Variants in GPC6 observed in about 807,000 individuals in gnomAD.
GPC6 encodes the protein glypican-6.
A neutral mutation model predicts 55.2 loss-of-function variants in GPC6; 14 were observed. The ratio of observed to expected loss-of-function variants is 0.25; its 90% confidence interval spans 0.17 to 0.40. The LOEUF is 0.40. Ranked by LOEUF, GPC6 falls within the 10% of genes least tolerant of loss-of-function variation. The pLI, the probability that GPC6 is intolerant of heterozygous loss-of-function variation, is 1.00. For missense variants in GPC6, 641 were observed against 708.5 expected (o/e 0.90, Z 1.08); for synonymous variants, 278 against 259.6 (o/e 1.07, Z -0.68).
intron 2 of GPC6, among the ~76,000 whole-genome samples, chr13:93,603,163 C>A (rs968565825): frequency 3.9e-5 from 6 of 152,022 alleles, no homozygotes; most frequent in African/African-American, 1.4e-4. Flanking sequence ...GCACACACCA[C>A]CACACCCAGC....
chr13:93,929,622 T>C (rs1027444543), intron 3 of GPC6, among the ~76,000 whole-genome samples: 3 of 152,134 alleles, frequency 2.0e-5, no homozygotes, highest in Non-Finnish European at 4.4e-5. Context: ...GAAATTACAA[T>C]GGGAATTAGA....
chr13:93,260,802 T>A (rs1877119484), intron 1 of GPC6, among the ~76,000 whole-genome samples: 1 of 152,138 alleles, frequency 6.6e-6, no homozygotes, highest in African/African-American at 2.4e-5. Flanking sequence ...GGAATGTGCT[T>A]AGCAAACAGG....
chr13:93,705,925 C>A (rs780829885), intron 2 of GPC6, among the ~76,000 whole-genome samples: 5 of 149,918 alleles, frequency 3.3e-5, no homozygotes, highest in Admixed American at 6.7e-5. Context: ...ATTATATAAA[C>A]CAATGAAACA....
chr13:93,521,639 GA>G (rs1881426867), intron 1 of GPC6, among the ~76,000 whole-genome samples: 1 of 151,898 alleles, frequency 6.6e-6, no homozygotes, highest in African/African-American at 2.4e-5. Flanking sequence ...GACTGCTCTT[GA>G]AAAATGCTAA....
chr13:94,058,123 A>G (rs1037175642), intron 4 of GPC6, among the ~76,000 whole-genome samples: 15 of 152,192 alleles, frequency 9.9e-5, no homozygotes, highest in African/African-American at 3.6e-4. Flanking sequence ...TTACGGAAGT[A>G]AGATCATAAT....
intron 1 of GPC6, among the ~76,000 whole-genome samples, chr13:93,421,813 T>C (rs577708013): frequency 6.6e-6 from 1 of 152,194 alleles, no homozygotes; most frequent in Non-Finnish European, 1.5e-5. Flanking sequence ...AGTTGTTTTT[T>C]ATTAGCTTGA....
intron 4 of GPC6, among the ~76,000 whole-genome samples, chr13:94,141,855 A>C (rs1411065002): frequency 1.3e-5 from 2 of 152,146 alleles, no homozygotes; most frequent in Non-Finnish European, 2.9e-5. Context: ...GGAAGAACCA[A>C]ACACTCTTTC....
chr13:94,070,917 A>G (rs899042674), intron 4 of GPC6, among the ~76,000 whole-genome samples: 1 of 151,630 alleles, frequency 6.6e-6, no homozygotes, highest in Admixed American at 6.5e-5. Flanking sequence ...TACAAAGGAA[A>G]TCTAAAAACA....
At chr13:93,932,097 A>G (rs1264392948) in intron 3 of GPC6, among the ~76,000 whole-genome samples, 1 of 152,212 alleles carries the variant, frequency 6.6e-6, no homozygotes, top group African/African-American at 2.4e-5. Flanking sequence ...TCAAGGATTT[A>G]TTCATGCCTT....
chr13:93,541,229 T>C (rs1882283711), intron 1 of GPC6, among the ~76,000 whole-genome samples: 1 of 140,408 alleles, frequency 7.1e-6, no homozygotes, highest in African/African-American at 2.7e-5. Context: ...CCTGTGTCCA[T>C]GTGTTCTCAT....
chr13:93,484,950 A>C (rs2139346430), intron 1 of GPC6, among the ~76,000 whole-genome samples: 1 of 152,344 alleles, frequency 6.6e-6, no homozygotes. Flanking sequence ...ATTAAAATAT[A>C]CATACAGCAT....
intron 2 of GPC6, among the ~76,000 whole-genome samples, chr13:93,631,356 G>A (rs969343979): frequency 6.6e-6 from 1 of 152,122 alleles, no homozygotes; most frequent in Non-Finnish European, 1.5e-5. Flanking sequence ...TTTCTCTGGG[G>A]ACCTCTTTAC....
chr13:93,505,443 A>C (rs1880676859), intron 1 of GPC6, among the ~76,000 whole-genome samples: 1 of 152,128 alleles, frequency 6.6e-6, no homozygotes, highest in Non-Finnish European at 1.5e-5. Context: ...ACACACACAC[A>C]CACACACAGA....
chr13:93,712,357 C>G (rs1454341526), intron 2 of GPC6, among the ~76,000 whole-genome samples: 2 of 151,518 alleles, frequency 1.3e-5, no homozygotes, highest in Non-Finnish European at 3.0e-5. Context: ...ACATTGAACC[C>G]CAAATAGACC....
Position 93,516,848 on chromosome 13 carries a change from G to A in GPC6, c.161-28415G>A, listed in dbSNP as rs147829227. On this transcript the variant is annotated intron_variant, in intron 1 of 8. Transcript: ENST00000377047. ...ATCACCTCCAGCTTTTGAATTGGGT[G>A]GATATGCAGTTAGCTAGGTTTTGCA... Among the ~76,000 whole-genome samples the A allele has an allele frequency of 1.1e-4, 16 of 152,166 alleles. 1 individual carries two copies. In the East Asian group the frequency reaches 2.9e-3, roughly 28 times the overall value.
chr13:93,372,192 G>A (rs1013199048), intron 1 of GPC6, among the ~76,000 whole-genome samples: 1 of 150,220 alleles, frequency 6.7e-6, no homozygotes, highest in Non-Finnish European at 1.5e-5. Context: ...CTTAGACATT[G>A]CTTGCAAACA....
upstream of GPC6, among the ~76,000 whole-genome samples, chr13:93,225,082 C>T (rs1445840929): frequency 6.6e-6 from 1 of 152,154 alleles, no homozygotes; most frequent in African/African-American, 2.4e-5. Flanking sequence ...CCCATTCTTC[C>T]TTTACCTCCA....
intron 4 of GPC6, among the ~76,000 whole-genome samples, chr13:94,051,159 A>G (rs546073142): frequency 2.0e-5 from 3 of 152,320 alleles, no homozygotes; most frequent in Admixed American, 2.0e-4. Context: ...CTGTGCCTTA[A>G]TAATTAGAAA....
chr13:93,845,076 C>G (rs1022459216), intron 3 of GPC6, among the ~76,000 whole-genome samples: 44 of 151,962 alleles, frequency 2.9e-4, no homozygotes, highest in African/African-American at 1.0e-3. Flanking sequence ...AGTCAGGTAG[C>G]GTGATGCCTC....
Sources: allele counts gnomAD v4.1 joint callset (sites outside exome capture counted in the v4.1 genomes callset), GRCh38; gene constraint gnomAD v4.1.1; transcripts MANE v1.5; gene names NCBI Gene and HGNC (gene_info 2026-07-23, HGNC 2026-07-21).